THSD4: variants seen among roughly 807,000 people sequenced by gnomAD.
THSD4 encodes the protein thrombospondin type-1 domain-containing protein 4.
A neutral mutation model predicts 119.0 loss-of-function variants in THSD4; 69 were observed. The observed-to-expected ratio is 0.58, with a 90% CI of 0.48 to 0.71. The LOEUF is 0.71. Among genes scored for constraint, THSD4 ranks in the 30% least tolerant of loss-of-function variants. THSD4 has a pLI of 0.00. For synonymous variants in THSD4, 524 were observed against 540.4 expected (o/e 0.97, Z 0.42); for missense variants, 1,393 against 1,391.1 (o/e 1.00, Z -0.02).
intron 3 of THSD4, among the ~76,000 whole-genome samples, chr15:71,204,276 T>C (rs750140871): frequency 2.0e-4 from 31 of 152,316 alleles, no homozygotes; most frequent in Middle Eastern, 3.4e-3. Context: ...TGTTTCCGAT[T>C]ATGCAGATCA....
rs554754820 is a variant in THSD4, at chr15:71,394,429, C to A, written c.1016-17258C>A. Among the ~76,000 whole-genome samples, 9 of 152,166 alleles carry A rather than the reference C, an allele frequency of 5.9e-5. 1 individual carries two copies. In the South Asian group the frequency reaches 1.9e-3, roughly 32 times the overall value. On this transcript the variant is annotated intron_variant, in intron 6 of 17. Coordinates refer to ENST00000261862, the MANE Select transcript of THSD4 (RefSeq NM_024817.3). The stretch of plus-strand genomic sequence containing the variant: ...CTGGGACTACAGGCAAGTGCCACCA[C>A]GGCCGGCTAATTTTTGTATTTTTAG...
intron 8 of THSD4, among the ~76,000 whole-genome samples, chr15:71,712,615 T>TA (rs1217712970): frequency 6.6e-6 from 1 of 152,142 alleles, no homozygotes; most frequent in Admixed American, 6.5e-5. Flanking sequence ...AGAAACAAAA[T>TA]ACTTGTTCTT....
chr15:71,318,075 G>T (rs1393842744), intron 6 of THSD4, among the ~76,000 whole-genome samples: 3 of 152,144 alleles, frequency 2.0e-5, no homozygotes, highest in Non-Finnish European at 4.4e-5. Context: ...TTGGGGGGCA[G>T]TAGGGAAGGG....
intron 7 of THSD4, among the ~76,000 whole-genome samples, chr15:71,496,524 T>G (rs991446419): frequency 1.3e-5 from 2 of 152,122 alleles, no homozygotes; most frequent in African/African-American, 4.8e-5. Flanking sequence ...CTGCTGGAGC[T>G]CCTATCAACA....
chr15:71,713,095 G>A (rs967798042), intron 8 of THSD4, among the ~76,000 whole-genome samples: 2 of 152,200 alleles, frequency 1.3e-5, no homozygotes, highest in Non-Finnish European at 2.9e-5. Flanking sequence ...GGAAACCTGG[G>A]AAGTTTAGTT....
chr15:71,620,458 C>T (rs1052841799), intron 7 of THSD4, among the ~76,000 whole-genome samples: 9 of 151,814 alleles, frequency 5.9e-5, no homozygotes, highest in South Asian at 2.1e-4. Context: ...TAACAAAATT[C>T]GCCGGGCATG....
At chr15:71,097,949 A>T (rs1018166570) in intron 1 of THSD4, among the ~76,000 whole-genome samples, 1 of 151,876 alleles carries the variant, frequency 6.6e-6, no homozygotes, top group Non-Finnish European at 1.5e-5. Flanking sequence ...CCCAGTGCTG[A>T]CCTTCTCGCA....
intron 8 of THSD4, among the ~76,000 whole-genome samples, chr15:71,711,787 G>A (rs1019851152): frequency 1.3e-5 from 2 of 151,770 alleles, no homozygotes; most frequent in African/African-American, 4.8e-5. Flanking sequence ...TTCAAAACAA[G>A]GAAACATTAC....
chr15:71,459,783 AT>A (rs1438723934), intron 7 of THSD4, among the ~76,000 whole-genome samples: 1 of 152,210 alleles, frequency 6.6e-6, no homozygotes, highest in Admixed American at 6.5e-5. Flanking sequence ...GGATTGGCTC[AT>A]TGTGTGCTGC....
chr15:71,442,568 C>CAA (rs71154770), intron 7 of THSD4, among the ~76,000 whole-genome samples: 3,095 of 33,418 alleles, frequency 0.093, 512 homozygotes, highest in African/African-American at 0.14. Flanking sequence ...AACTCCATCT[C>CAA]AAAAAAAAAA....
At chr15:71,180,780 A>G (rs541408544) in intron 3 of THSD4, among the ~76,000 whole-genome samples, 1 of 152,176 alleles carries the variant, frequency 6.6e-6, no homozygotes, top group Admixed American at 6.5e-5. Context: ...GAGGGTGGCT[A>G]TTCAATAGTG....
chr15:71,207,347 A>G (rs1388801180), intron 3 of THSD4, among the ~76,000 whole-genome samples: 2 of 151,110 alleles, frequency 1.3e-5, no homozygotes, highest in Non-Finnish European at 3.0e-5. Flanking sequence ...CCGCTAAATG[A>G]CTCTTTCTGC....
intron 7 of THSD4, among the ~76,000 whole-genome samples, chr15:71,454,449 C>T (rs574666229): frequency 6.8e-4 from 104 of 152,316 alleles, no homozygotes; most frequent in African/African-American, 2.4e-3. Context: ...GTCTGGCCAC[C>T]AAAGAAAGAG....
At chr15:71,553,369 A>G (rs913020527) in intron 7 of THSD4, among the ~76,000 whole-genome samples, 1 of 147,458 alleles carries the variant, frequency 6.8e-6, no homozygotes, top group Admixed American at 6.9e-5. Context: ...CTTGTTGCCC[A>G]GGCTGGAGTG....
intron 7 of THSD4, among the ~76,000 whole-genome samples, chr15:71,562,793 C>A (rs2049150376): frequency 6.6e-6 from 1 of 151,550 alleles, no homozygotes; most frequent in African/African-American, 2.4e-5. Context: ...ACCTCCACCT[C>A]CTGGGTTCAA....
rs1450828705 is a variant in THSD4 at position 71,417,774 on chromosome 15, GA to G, written c.1152+5953del. On this transcript the variant is annotated intron_variant, in intron 7 of 17. Transcript: ENST00000261862. ...AATTGTGTTTTTCTATTTCCGTGAAGAATTTCATTGGTATTTTGATAAGGAT... is the reference window on the plus strand; with the variant it reads ...AATTGTGTTTTTCTATTTCCGTGAAGATTTCATTGGTATTTTGATAAGGAT... 1.8e-5 allele frequency among the ~76,000 whole-genome samples: 2 copies of G among 108,152 alleles called. 1 individual carries two copies. The highest frequency in any genetic ancestry group is 4.1e-5 in the Non-Finnish European group (2 of 49,204). The allele number at this position is 108,152 out of a possible 152,430, so 71.0% of individuals were successfully genotyped here.
At chr15:71,577,628 T>G (rs1009314890) in intron 7 of THSD4, among the ~76,000 whole-genome samples, 2 of 152,202 alleles carry the variant, frequency 1.3e-5, no homozygotes, top group African/African-American at 4.8e-5. Flanking sequence ...ACTAAAACTT[T>G]CACTTGATGC....
chr15:71,742,151 G>A (rs147473271), intron 11 of THSD4, among the ~76,000 whole-genome samples: 3 of 152,254 alleles, frequency 2.0e-5, no homozygotes, highest in African/African-American at 7.2e-5. Context: ...ACATACCCTC[G>A]CCTAAACCCT....
chr15:71,123,771 GTA>G (rs911575562), intron 1 of THSD4, among the ~76,000 whole-genome samples: 33 of 152,224 alleles, frequency 2.2e-4, no homozygotes, highest in African/African-American at 7.7e-4. Context: ...GAGAAAGGAA[GTA>G]GAAGCCTGTT....
Sources: allele counts gnomAD v4.1 joint callset (sites outside exome capture counted in the v4.1 genomes callset), GRCh38; gene constraint gnomAD v4.1.1; transcripts MANE v1.5; gene names NCBI Gene and HGNC (gene_info 2026-07-23, HGNC 2026-07-21).